CCSER1: variants seen among roughly 807,000 people sequenced by gnomAD.
CCSER1 encodes the protein coiled-coil serine rich protein 1, also known as serine-rich coiled-coil domain-containing protein 1.
Under a neutral mutation model 82.0 loss-of-function variants are expected in CCSER1, and 41 were observed. That is an observed-to-expected ratio of 0.50 (90% CI 0.39 to 0.65). The LOEUF (loss-of-function observed/expected upper bound fraction) is 0.65. Among genes scored for constraint, CCSER1 ranks in the 30% least tolerant of loss-of-function variants. The pLI, the probability that CCSER1 is intolerant of heterozygous loss-of-function variation, is 0.00. For synonymous variants in CCSER1, 414 were observed against 383.9 expected, an observed-to-expected ratio of 1.08 and a Z score of -0.92; for missense variants, 1,119 against 1,064.2, an observed-to-expected ratio of 1.05 and a Z score of -0.72.
chr4:90,894,017 A>G (rs1723341355), intron 8 of CCSER1, among the ~76,000 whole-genome samples: 1 of 152,084 alleles, frequency 6.6e-6, no homozygotes, highest in Non-Finnish European at 1.5e-5. Context: ...TATCCATGTA[A>G]AATGAAAATA....
At chr4:90,863,037 C>T (rs1765289962) in intron 8 of CCSER1, among the ~76,000 whole-genome samples, 2 of 150,858 alleles carry the variant, frequency 1.3e-5, no homozygotes, top group South Asian at 2.1e-4. Context: ...GTGCTGCACC[C>T]ATTAACTCAT....
At chr4:90,979,169 A>C (rs1019695750) in intron 9 of CCSER1, among the ~76,000 whole-genome samples, 20 of 151,342 alleles carry the variant, frequency 1.3e-4, no homozygotes, top group Non-Finnish European at 2.7e-4. Flanking sequence ...AATTATATTT[A>C]AGGTGTGTAT....
chr4:90,605,750 A>AT (rs537337180), intron 5 of CCSER1, among the ~76,000 whole-genome samples: 8 of 151,904 alleles, frequency 5.3e-5, no homozygotes, highest in South Asian at 4.2e-4. Flanking sequence ...ATTTTTTATA[A>AT]TTTTTTTTGA....
At position 90,922,403 on chromosome 4, in the gene CCSER1, C is replaced by A. The variant is rs563416680; in HGVS notation, c.2095-967C>A. The stretch of plus-strand genomic sequence containing the variant: ...GAGTGAGGTTCTTGATAACCATTGT[C>A]AATCCTGGGAAAGGAAGAATTAAAT... On this transcript the variant is annotated intron_variant, in intron 8 of 10. Coordinates refer to ENST00000509176, the MANE Select transcript of CCSER1 (RefSeq NM_001145065.2). Among the ~76,000 whole-genome samples, 21 of 151,996 alleles carry A rather than the reference C, an allele frequency of 1.4e-4. No individual in the cohort carries two copies. The South Asian group carries it at 4.2e-3, about 30-fold the overall frequency.
intron 9 of CCSER1, among the ~76,000 whole-genome samples, chr4:90,997,452 T>G (rs1223983169): frequency 6.6e-6 from 1 of 152,196 alleles, no homozygotes; most frequent in Admixed American, 6.5e-5. Context: ...GGGTTCTTAA[T>G]TTGATCACTT....
intron 3 of CCSER1, among the ~76,000 whole-genome samples, chr4:90,394,507 A>G (rs1751680965): frequency 6.6e-6 from 1 of 152,156 alleles, no homozygotes; most frequent in African/African-American, 2.4e-5. Context: ...TAATTTACTA[A>G]TCTTTTGACT....
chr4:90,321,315 T>G (rs56097658), intron 3 of CCSER1, among the ~76,000 whole-genome samples: 46,167 of 151,996 alleles, frequency 0.3, 7,169 homozygotes, highest in East Asian at 0.44. Context: ...TAGGCAAAAT[T>G]TGTCTTTCCA....
At position 90,410,895 on chromosome 4, in the gene CCSER1, C is replaced by A. The variant is rs866726916; in HGVS notation, c.1603+10766C>A. Among the ~76,000 whole-genome samples, 19 of 151,960 alleles carry A rather than the reference C, an allele frequency of 1.3e-4. No homozygotes were observed. In the Middle Eastern group the frequency reaches 0.017, roughly 136 times the overall value. The stretch of plus-strand genomic sequence containing the variant: ...ACCACTAGCAAGACTAATAAAGAAG[C>A]AAAGAGAGAAGAATCAAATAGACAC... On this transcript the variant is annotated intron_variant, in intron 4 of 10. Coordinates refer to ENST00000509176, the MANE Select transcript of CCSER1 (RefSeq NM_001145065.2).
At chr4:91,517,673 C>T (rs200723348) in intron 10 of CCSER1, among the ~76,000 whole-genome samples, 3 of 32,142 alleles carry the variant, frequency 9.3e-5, no homozygotes, top group African/African-American at 4.6e-4. Context: ...CTAGTGCATT[C>T]ATTTGGAAGA....
At chr4:90,830,701 G>T (rs1414323389) in intron 8 of CCSER1, among the ~76,000 whole-genome samples, 46 of 152,220 alleles carry the variant, frequency 3.0e-4, no homozygotes, top group Non-Finnish European at 1.3e-4. Flanking sequence ...CAGACAAGAT[G>T]AACTTGAATC....
intron 10 of CCSER1, among the ~76,000 whole-genome samples, chr4:91,588,359 A>G (rs1011867572): frequency 6.6e-6 from 1 of 151,628 alleles, no homozygotes; most frequent in African/African-American, 2.4e-5. Context: ...AAAAATTGCT[A>G]TTATTAAATA....
At chr4:91,598,147 T>A (rs951505690) in intron 10 of CCSER1, among the ~76,000 whole-genome samples, 7 of 152,196 alleles carry the variant, frequency 4.6e-5, no homozygotes, top group African/African-American at 1.4e-4. Context: ...CTATAAACTC[T>A]CTGGACATAT....
At chr4:91,351,431 A>G (rs1748462536) in intron 10 of CCSER1, among the ~76,000 whole-genome samples, 1 of 152,040 alleles carries the variant, frequency 6.6e-6, no homozygotes, top group African/African-American at 2.4e-5. Context: ...TCACTTTTTT[A>G]TATGGAGATG....
chr4:91,102,565 G>A (rs1427191028), intron 10 of CCSER1, among the ~76,000 whole-genome samples: 4 of 152,176 alleles, frequency 2.6e-5, no homozygotes, highest in African/African-American at 9.7e-5. Flanking sequence ...GCATTTAGAT[G>A]TCGTTTTTAT....
At chr4:90,303,189 A>G (rs1733516292) in intron 1 of CCSER1, among the ~76,000 whole-genome samples, 2 of 152,218 alleles carry the variant, frequency 1.3e-5, no homozygotes, top group Non-Finnish European at 2.9e-5. Context: ...ACTGACCTAA[A>G]TAGATTATTT....
rs777177430 is a variant in CCSER1, at chr4:91,599,930, AATT to A, written c.*877_*879del. ...TTTCAAGGATGAAACATCCTAAGAAAATTATTCTTTTTCTTTACTTTCCTTATT... is the reference window on the plus strand; with the variant it reads ...TTTCAAGGATGAAACATCCTAAGAAAATTCTTTTTCTTTACTTTCCTTATT... On this transcript the variant is annotated 3_prime_UTR_variant, in exon 11 of 11. Coordinates refer to ENST00000509176, the MANE Select transcript of CCSER1 (RefSeq NM_001145065.2). 7 of 152,150 alleles carry A rather than the reference AATT, an allele frequency of 4.6e-5. No homozygotes were observed. Among genetic ancestry groups the A allele is most frequent in the Admixed American group, 2.0e-4 (3 of 15,248 alleles). The allele number at this position is 152,150 out of a possible 1,614,324, so 9.4% of individuals were successfully genotyped here.
At chr4:90,738,711 C>T (rs1046723917) in intron 7 of CCSER1, among the ~76,000 whole-genome samples, 2 of 152,146 alleles carry the variant, frequency 1.3e-5, no homozygotes, top group Non-Finnish European at 2.9e-5. Context: ...TGTTTTCTTC[C>T]CTTCACGGCA....
At chr4:91,489,818 G>T (rs1758418575) in intron 10 of CCSER1, among the ~76,000 whole-genome samples, 2 of 76,670 alleles carry the variant, frequency 2.6e-5, no homozygotes, top group Non-Finnish European at 6.2e-5. Flanking sequence ...CTTCCTAAAG[G>T]ACTTCTTGGA....
chr4:90,462,564 T>C (rs534839553), intron 4 of CCSER1, among the ~76,000 whole-genome samples: 1 of 150,714 alleles, frequency 6.6e-6, no homozygotes, highest in East Asian at 1.9e-4. Flanking sequence ...CAAGTTGACA[T>C]ATAAAACAAA....
Sources: allele counts gnomAD v4.1 joint callset (sites outside exome capture counted in the v4.1 genomes callset), GRCh38; gene constraint gnomAD v4.1.1; transcripts MANE v1.5; gene names NCBI Gene and HGNC (gene_info 2026-07-23, HGNC 2026-07-21).